The following CNGB1 variants were observed in gnomAD, a reference collection of about 807,000 sequenced individuals.
CNGB1 encodes cyclic nucleotide-gated channel beta-1.
A neutral mutation model predicts 151.7 loss-of-function variants in CNGB1; 126 were observed. That is an observed-to-expected ratio of 0.83 (90% CI 0.72 to 0.96). The LOEUF (loss-of-function observed/expected upper bound fraction) is 0.96, where lower values mean the gene tolerates loss of function less well. Ranked by LOEUF, CNGB1 falls within the 40% of genes least tolerant of loss-of-function variation. The probability of loss-of-function intolerance (pLI) is 0.00; values close to 1 mark genes in which losing one functional copy is unlikely to be tolerated. For missense variants in CNGB1, 1,698 were observed against 1,627.0 expected, an observed-to-expected ratio of 1.04 and a Z score of -0.75; for synonymous variants, 623 against 635.1, an observed-to-expected ratio of 0.98 and a Z score of 0.29.
Position 57,904,789 on chromosome 16 carries a change from A to G in CNGB1, c.2579T>C (p.Phe860Ser), listed in dbSNP as rs1960496334. 4 of 1,614,178 alleles carry G rather than the reference A, an allele frequency of 2.5e-6. No homozygotes were observed. Among genetic ancestry groups the G allele is most frequent in the South Asian group, 1.1e-5 (1 of 91,082 alleles). Residue 860 changes from phenylalanine (F) to serine (S), a missense_variant, in exon 26 of 33, where the codon TTC becomes TCC. Physicochemically the swap from Phe to Ser is radical, Grantham distance 155. Coordinates refer to ENST00000251102, the MANE Select transcript of CNGB1 (RefSeq NM_001297.5). ...GCCCGTGAAATAATTCAGCAGCTGG[A>G]AGACAATTTCAAAGAGTGTCTTGGG... ...PDPKTLFEIV[F>S]QLLNYFTGVF... is the part of the protein sequence containing the mutation.
Position 57,912,613 on chromosome 16 carries a change from G to T in CNGB1, c.2369+317C>A, listed in dbSNP as rs79400291. On this transcript the variant is annotated intron_variant, in intron 24 of 32. Coordinates refer to ENST00000251102, the MANE Select transcript of CNGB1 (RefSeq NM_001297.5). ...GTGTGTTGTGTGTGTCATTTGTGTC[G>T]TGTGTGCATTGTGTGTTGTGTGTGC... 1.6e-3 allele frequency among the ~76,000 whole-genome samples: 244 copies of T among 150,346 alleles called. 1 individual carries two copies. Among genetic ancestry groups the T allele is most frequent in the African/African-American group, 5.5e-3 (224 of 40,904 alleles).
intron 19 of CNGB1, 47 bp downstream of exon 19, chr16:57,920,340 C>T (rs1236229117): frequency 4.3e-6 from 7 of 1,610,150 alleles, no homozygotes; most frequent in Admixed American, 1.7e-5. Flanking sequence ...CTTTGGAGGC[C>T]CCACCCCATC....
intron 24 of CNGB1, 33 bp downstream of exon 24, chr16:57,912,897 T>C (rs759007139): frequency 1.3e-5 from 20 of 1,598,386 alleles, no homozygotes; most frequent in Non-Finnish European, 1.6e-5. Context: ...GTCATGTGTG[T>C]GTGCATGCAT....
At chr16:57,965,905 C>T (rs1962386348) in intron 2 of CNGB1, among the ~76,000 whole-genome samples, 1 of 152,186 alleles carries the variant, frequency 6.6e-6, no homozygotes. Context: ...TGTGCACACA[C>T]AGACATACCA....
At chr16:57,960,380 G>T in intron 9 of CNGB1, 102 bp downstream of exon 9, 2 of 1,434,220 alleles carry the variant, frequency 1.4e-6, no homozygotes, top group East Asian at 2.5e-5. Flanking sequence ...TAGTCTGGGT[G>T]GGGGCTAAGG....
intron 7 of CNGB1, among the ~76,000 whole-genome samples, chr16:57,961,497 G>C (rs60073402): frequency 0.032 from 4,863 of 152,214 alleles, 257 homozygotes; most frequent in African/African-American, 0.11. Flanking sequence ...GTTCCCCCAA[G>C]TATGGCCCAA....
rs754441053 is a variant in CNGB1, at chr16:57,887,873, C to T, written c.3444G>A (p.Gln1148=). 6.2e-7 allele frequency: 1 copy of T among 1,614,192 alleles called. No individual in the cohort carries two copies. The highest frequency in any genetic ancestry group is 1.1e-5 in the South Asian group (1 of 91,084). The part of the protein sequence containing the change: ...ELAALEAAAK[Q]QELVEQAKSS... Reference sequence around the variant, plus strand: ...ACATTACCTGTTCCACCAACTCTTGCTGCTTTGCAGCCGCCTCCAGCGCGG... The same window carrying T: ...ACATTACCTGTTCCACCAACTCTTGTTGCTTTGCAGCCGCCTCCAGCGCGG... Residue 1148 remains glutamine, a synonymous_variant, in exon 32 of 33, where the codon CAG becomes CAA. Transcript: ENST00000251102.
rs183634549 is a variant in CNGB1 at position 57,942,329 on chromosome 16, A to C, written c.1122-2008T>G. Among the ~76,000 whole-genome samples, 347 of 152,258 alleles carry C rather than the reference A, an allele frequency of 2.3e-3. 1 individual carries two copies. Among genetic ancestry groups the C allele is most frequent in the Non-Finnish European group, 2.7e-3 (186 of 68,028 alleles). ...AATTTGATCTTATATATAAAAAAAA[A>C]CCCTAAAGATTCCACCAAAAAACTG... On this transcript the variant is annotated intron_variant, in intron 14 of 32. Coordinates refer to ENST00000251102, the MANE Select transcript of CNGB1 (RefSeq NM_001297.5).
At chr16:57,962,909 C>T (rs1267255374) in intron 5 of CNGB1, 37 bp from the exon 6 acceptor site, 1 of 1,612,252 alleles carries the variant, frequency 6.2e-7, no homozygotes, top group Non-Finnish European at 8.5e-7. Flanking sequence ...GGCAGGGAGC[C>T]CAAGGGCAGC....
intron 11 of CNGB1, 81 bp from the exon 12 acceptor site, chr16:57,957,458 G>T: frequency 3.1e-6 from 4 of 1,288,726 alleles, no homozygotes; most frequent in Non-Finnish European, 4.5e-6. Flanking sequence ...CTTCTAGCAC[G>T]TGACCTTGAC....
intron 31 of CNGB1, among the ~76,000 whole-genome samples, chr16:57,896,475 G>A (rs780015318): frequency 6.5e-4 from 99 of 152,270 alleles, no homozygotes; most frequent in Non-Finnish European, 1.1e-3. Flanking sequence ...AGCACTTTGG[G>A]AGGCCGAGGG....
chr16:57,967,381 C>T, intron 1 of CNGB1, 87 bp from the exon 2 acceptor site: 1 of 1,374,230 alleles, frequency 7.3e-7, no homozygotes, highest in Admixed American at 1.7e-5. Context: ...TTGTACATTT[C>T]CTTTTCCTTC....
chr16:57,968,969 C>A (rs902725526), intron 1 of CNGB1, among the ~76,000 whole-genome samples: 1 of 150,448 alleles, frequency 6.6e-6, no homozygotes, highest in Non-Finnish European at 1.5e-5. Flanking sequence ...CATGCCACTG[C>A]ACTTCTGCCT....
intron 13 of CNGB1, 27 bp from the exon 14 acceptor site, chr16:57,949,466 G>A (rs372857236): frequency 9.0e-5 from 145 of 1,612,896 alleles, no homozygotes; most frequent in Middle Eastern, 1.6e-4. Flanking sequence ...GGCAGGAGGT[G>A]AGCCCACCCG....
At chr16:57,904,579 G>T (rs1338904427) in intron 26 of CNGB1, among the ~76,000 whole-genome samples, 155 bp downstream of exon 26, 3 of 152,116 alleles carry the variant, frequency 2.0e-5, no homozygotes, top group African/African-American at 7.2e-5. Context: ...CCTTCACCGC[G>T]CAGGGACCAG....
intron 12 of CNGB1, among the ~76,000 whole-genome samples, chr16:57,956,203 G>A (rs1457643401): frequency 6.6e-6 from 1 of 152,198 alleles, no homozygotes; most frequent in Non-Finnish European, 1.5e-5. Flanking sequence ...GTGGCTGCCA[G>A]GCCAGGTGGA....
At chr16:57,930,492 T>C (rs898164428) in intron 17 of CNGB1, among the ~76,000 whole-genome samples, 12 of 126,130 alleles carry the variant, frequency 9.5e-5, no homozygotes, top group African/African-American at 1.9e-4. Flanking sequence ...AGATCTTGTC[T>C]GAAAGGAAGA....
intron 7 of CNGB1, among the ~76,000 whole-genome samples, chr16:57,961,564 G>C (rs1962255759): frequency 6.6e-6 from 1 of 152,128 alleles, no homozygotes; most frequent in South Asian, 2.1e-4. Flanking sequence ...AGTGGTCCCA[G>C]GAATCAGCTG....
intron 9 of CNGB1, 40 bp from the exon 10 acceptor site, chr16:57,960,105 T>C: frequency 6.5e-7 from 1 of 1,536,286 alleles, no homozygotes; most frequent in Admixed American, 2.0e-5. Context: ...ACGCCATCCC[T>C]TGAGGGCTTC....
Sources: allele counts gnomAD v4.1 joint callset (sites outside exome capture counted in the v4.1 genomes callset), GRCh38; gene constraint gnomAD v4.1.1; transcripts MANE v1.5; gene names NCBI Gene and HGNC (gene_info 2026-07-23, HGNC 2026-07-21).